The following UGGT2 variants were observed in gnomAD, a reference collection of about 807,000 sequenced individuals.
UGGT2 encodes UDP-glucose glycoprotein glucosyltransferase 2, also known as UDP-glucose:glycoprotein glucosyltransferase 2.
UGGT2 carries 180 observed loss-of-function variants against 192.1 expected under a neutral mutation model. The observed-to-expected ratio is 0.94, with a 90% CI of 0.83 to 1.06. The LOEUF is 1.06. UGGT2 is among the 50% of genes least tolerant of loss of function. The probability of loss-of-function intolerance (pLI) is 0.00; values close to 1 mark genes in which losing one functional copy is unlikely to be tolerated. For synonymous variants in UGGT2, 580 were observed against 591.0 expected (o/e 0.98, Z 0.27); for missense variants, 1,849 against 1,795.7 (o/e 1.03, Z -0.54).
chr13:95,937,579 A>C (rs1008738273), intron 16 of UGGT2, among the ~76,000 whole-genome samples: 2 of 152,214 alleles, frequency 1.3e-5, no homozygotes, highest in Non-Finnish European at 2.9e-5. Flanking sequence ...TAGGCTAGAT[A>C]CTGTGATTAT....
At chr13:95,909,747 T>TATAATAATAATAATA (rs148389354) in intron 20 of UGGT2, among the ~76,000 whole-genome samples, 20 of 109,390 alleles carry the variant, frequency 1.8e-4, no homozygotes, top group African/African-American at 5.5e-4. Flanking sequence ...AAACTTGAAG[T>TATAATAATAATAATA]ATAATAATAA....
chr13:95,806,371 G>A, intron 38 of UGGT2, among the ~76,000 whole-genome samples: 1 of 152,122 alleles, frequency 6.6e-6, no homozygotes, highest in Middle Eastern at 3.2e-3. Flanking sequence ...TAATGTCAGA[G>A]TTGAAATGAA....
At chr13:96,008,541 A>G (rs1449996078) in intron 5 of UGGT2, among the ~76,000 whole-genome samples, 1 of 152,232 alleles carries the variant, frequency 6.6e-6, no homozygotes, top group Non-Finnish European at 1.5e-5. Context: ...GTTTCAGGAT[A>G]CAAAATCAAT....
chr13:96,053,377 G>A lies in UGGT2; in HGVS notation c.-65C>T, dbSNP rs980453017. The A allele has an allele frequency of 2.0e-6, 3 of 1,528,656 alleles. No homozygotes were observed. Among genetic ancestry groups the A allele is most frequent in the Non-Finnish European group, 2.6e-6 (3 of 1,148,372 alleles). 94.7% of individuals were successfully genotyped at this position (1,528,656 alleles called of 1,614,324 possible). ...CCACAGTCTGTGGCCGCCACGCTTC[G>A]GCCGGCTCTTCCCGCTGCGCGGCTG... On this transcript the variant is annotated 5_prime_UTR_variant, in exon 1 of 39. Transcript: ENST00000376747.
intron 24 of UGGT2, among the ~76,000 whole-genome samples, chr13:95,893,369 C>G (rs924115573): frequency 1.3e-5 from 2 of 152,100 alleles, no homozygotes; most frequent in African/African-American, 4.8e-5. Flanking sequence ...ACACACATCT[C>G]TCTAAAAAGC....
At chr13:95,828,993 T>C (rs1304530866) in intron 38 of UGGT2, among the ~76,000 whole-genome samples, 1 of 152,204 alleles carries the variant, frequency 6.6e-6, no homozygotes, top group Non-Finnish European at 1.5e-5. Context: ...GTTTCATCCC[T>C]GGAATGCAAG....
intron 2 of UGGT2, among the ~76,000 whole-genome samples, chr13:96,031,425 T>C (rs1386278873): frequency 2.0e-5 from 3 of 152,156 alleles, no homozygotes; most frequent in African/African-American, 4.8e-5. Context: ...CACCTCAGTC[T>C]CACAAAGTGC....
intron 20 of UGGT2, among the ~76,000 whole-genome samples, chr13:95,918,456 C>G (rs2048746081): frequency 6.6e-6 from 1 of 152,082 alleles, no homozygotes; most frequent in South Asian, 2.1e-4. Flanking sequence ...AACCTAACAT[C>G]TCAATTAAAA....
At chr13:96,032,791 C>T (rs1386021990) in intron 1 of UGGT2, among the ~76,000 whole-genome samples, 2 of 152,174 alleles carry the variant, frequency 1.3e-5, no homozygotes, top group Admixed American at 6.5e-5. Flanking sequence ...ACATCCACAA[C>T]ACATACAGAT....
chr13:96,032,359 C>CTTTTTTTTGTTT (rs1434008390), intron 1 of UGGT2, among the ~76,000 whole-genome samples: 40 of 152,012 alleles, frequency 2.6e-4, no homozygotes, highest in African/African-American at 9.6e-4. Flanking sequence ...AAAAGACCAC[C>CTTTTTTTTGTTT]TGTTTCATAA....
intron 27 of UGGT2, among the ~76,000 whole-genome samples, chr13:95,884,084 A>AAAAAAAAAAAAAAAAC (rs760204523): frequency 7.6e-6 from 1 of 132,012 alleles, no homozygotes; most frequent in Non-Finnish European, 1.6e-5. Context: ...AAAAAAAAAA[A>AAAAAAAAAAAAAAAAC]AACCAACAAC....
intron 17 of UGGT2, among the ~76,000 whole-genome samples, chr13:95,936,630 C>T (rs576277818): frequency 1.6e-4 from 25 of 152,332 alleles, no homozygotes; most frequent in African/African-American, 5.8e-4. Flanking sequence ...TCCTTGGCTC[C>T]AAGTTCTCTG....
intron 12 of UGGT2, among the ~76,000 whole-genome samples, chr13:95,960,459 GA>G (rs2050352998): frequency 1.4e-5 from 2 of 143,862 alleles, no homozygotes; most frequent in Non-Finnish European, 3.2e-5. Flanking sequence ...GTAGAATCAA[GA>G]ATCTCAGAAT....
intron 20 of UGGT2, among the ~76,000 whole-genome samples, chr13:95,908,913 T>C (rs1436943052): frequency 4.5e-5 from 6 of 134,018 alleles, no homozygotes; most frequent in Non-Finnish European, 9.5e-5. Flanking sequence ...TTCACTCTGA[T>C]GGTAGTTTCT....
chr13:95,944,074 T>G (rs577174360), intron 15 of UGGT2, among the ~76,000 whole-genome samples: 1 of 152,124 alleles, frequency 6.6e-6, no homozygotes, highest in South Asian at 2.1e-4. Flanking sequence ...TTGCAAATAC[T>G]TTCTTTTATT....
chr13:95,982,656 A>C (rs1027400809), intron 10 of UGGT2, among the ~76,000 whole-genome samples: 4 of 152,090 alleles, frequency 2.6e-5, no homozygotes, highest in African/African-American at 7.2e-5. Flanking sequence ...TAAGAGAGAG[A>C]GAGCTGTTCT....
intron 5 of UGGT2, among the ~76,000 whole-genome samples, chr13:96,007,919 T>C (rs537656510): frequency 6.6e-6 from 1 of 152,214 alleles, no homozygotes; most frequent in South Asian, 2.1e-4. Context: ...TCGACAAACA[T>C]GCCAGGATCA....
At chr13:95,806,219 T>C (rs1405335534) in intron 38 of UGGT2, among the ~76,000 whole-genome samples, 2 of 152,082 alleles carry the variant, frequency 1.3e-5, no homozygotes, top group South Asian at 4.1e-4. Flanking sequence ...CAACCCAACT[T>C]TGTAGCTTAG....
chr13:95,992,953 A>G (rs112243195), intron 7 of UGGT2, among the ~76,000 whole-genome samples: 283 of 152,332 alleles, frequency 1.9e-3, no homozygotes, highest in South Asian at 3.7e-3. Flanking sequence ...ATTCTGACAA[A>G]AAGACATATG....
Sources: allele counts gnomAD v4.1 joint callset (sites outside exome capture counted in the v4.1 genomes callset), GRCh38; gene constraint gnomAD v4.1.1; transcripts MANE v1.5; gene names NCBI Gene and HGNC (gene_info 2026-07-23, HGNC 2026-07-21).